CNGB3: variants seen among roughly 807,000 people sequenced by gnomAD.
CNGB3 encodes the protein cyclic nucleotide gated channel subunit beta 3, also known as cyclic nucleotide-gated channel beta-3.
A neutral mutation model predicts 92.8 loss-of-function variants in CNGB3; 86 were observed. The observed-to-expected ratio is 0.93, with a 90% CI of 0.78 to 1.11. The LOEUF is 1.11. Among genes scored for constraint, CNGB3 ranks in the 50% least tolerant of loss-of-function variants. The pLI is 0.00. For missense variants in CNGB3, 1,026 were observed against 956.8 expected (o/e 1.07, Z -0.95); for synonymous variants, 333 against 332.7 (o/e 1.00, Z -0.01).
At chr8:86,585,030 A>G (rs1235660195) in intron 15 of CNGB3, among the ~76,000 whole-genome samples, 1 of 152,150 alleles carries the variant, frequency 6.6e-6, no homozygotes, top group African/African-American at 2.4e-5. Context: ...AAACAAGGCC[A>G]TATTTAGTAC....
intron 7 of CNGB3, among the ~76,000 whole-genome samples, chr8:86,649,251 A>G (rs1308619043): frequency 6.6e-6 from 1 of 151,682 alleles, no homozygotes; most frequent in Non-Finnish European, 1.5e-5. Flanking sequence ...TGCCAAAAGC[A>G]ATCTACAGAT....
chr8:86,601,544 G>T (rs1326784227), intron 15 of CNGB3, among the ~76,000 whole-genome samples: 1 of 151,524 alleles, frequency 6.6e-6, no homozygotes, highest in East Asian at 1.9e-4. Context: ...TGAGGAAAAA[G>T]AACTCTTTTA....
chr8:86,621,000 A>G (rs2131576290), intron 13 of CNGB3, among the ~76,000 whole-genome samples: 1 of 152,344 alleles, frequency 6.6e-6, no homozygotes, highest in South Asian at 2.1e-4. Context: ...AATGAATCTA[A>G]GTTATACACA....
At position 86,737,773 on chromosome 8, in the gene CNGB3, C is replaced by A. The variant is rs183218004; in HGVS notation, c.211+1882G>T. Among the ~76,000 whole-genome samples, 24 of 152,216 alleles carry A rather than the reference C, an allele frequency of 1.6e-4. No homozygotes were observed. The East Asian group carries it at 4.6e-3, about 29-fold the overall frequency. Reference sequence around the variant, plus strand: ...CAAGTAGATCCTGGTGTCTGTTGTTCCCATCTTTATATGTGTACTTAATGT... The same window carrying A: ...CAAGTAGATCCTGGTGTCTGTTGTTACCATCTTTATATGTGTACTTAATGT... On this transcript the variant is annotated intron_variant, in intron 2 of 17. Transcript: ENST00000320005.
intron 3 of CNGB3, among the ~76,000 whole-genome samples, chr8:86,677,916 T>C (rs1208219504): frequency 6.6e-6 from 1 of 152,222 alleles, no homozygotes; most frequent in Non-Finnish European, 1.5e-5. Flanking sequence ...TTTGAATTTC[T>C]GTTCATTATT....
chr8:86,730,144 T>C (rs377466722), intron 2 of CNGB3, among the ~76,000 whole-genome samples: 2 of 152,186 alleles, frequency 1.3e-5, no homozygotes, highest in African/African-American at 4.8e-5. Flanking sequence ...GCCTGTGTAA[T>C]ATACTTCCAA....
rs536128078 is a variant in CNGB3, at chr8:86,682,549, G to A, written c.339-11451C>T. 3.3e-5 allele frequency among the ~76,000 whole-genome samples: 5 copies of A among 152,300 alleles called. No homozygotes were observed. The South Asian group carries it at 1.0e-3, about 32-fold the overall frequency. On this transcript the variant is annotated intron_variant, in intron 3 of 17. Coordinates refer to ENST00000320005, the MANE Select transcript of CNGB3 (RefSeq NM_019098.5). ...TGATTTGTCATTGCCTCGATAGCAG[G>A]ATGTGTGGCTGGGGTCTGGAGATGA...
At chr8:86,661,517 A>G in intron 6 of CNGB3, 1 of 662,652 alleles carries the variant, frequency 1.5e-6, no homozygotes, top group Non-Finnish European at 2.9e-6. Context: ...ACACCACATC[A>G]CATTTAAATG....
intron 13 of CNGB3, among the ~76,000 whole-genome samples, chr8:86,614,635 G>C (rs1411636387): frequency 6.6e-6 from 1 of 152,050 alleles, no homozygotes; most frequent in African/African-American, 2.4e-5. Flanking sequence ...TTTTCCAGTA[G>C]AGGGTTTTCC....
In CNGB3 at chr8:86,574,834, A is replaced by G. The variant is rs1821628973; in HGVS notation, c.*970T>C. 6.6e-6 allele frequency: 1 copy of G among 152,198 alleles called. No individual in the cohort carries two copies. The highest frequency in any genetic ancestry group is 2.1e-4 in the South Asian group (1 of 4,828). The allele number at this position is 152,198 out of a possible 1,614,324, so 9.4% of individuals were successfully genotyped here. A position where few individuals can be genotyped will look rare whatever the true frequency, so the allele number is the denominator to read the frequency against. ...CCTAAAGTGCCCTTAATTAACTTGGAGATTTTGTAAACAGCTATACATGTA... is the reference window on the plus strand; with the variant it reads ...CCTAAAGTGCCCTTAATTAACTTGGGGATTTTGTAAACAGCTATACATGTA... On this transcript the variant is annotated 3_prime_UTR_variant, in exon 18 of 18. Coordinates refer to ENST00000320005, the MANE Select transcript of CNGB3 (RefSeq NM_019098.5).
intron 14 of CNGB3, among the ~76,000 whole-genome samples, chr8:86,607,584 A>G (rs541030465): frequency 6.6e-6 from 1 of 152,288 alleles, no homozygotes; most frequent in East Asian, 1.9e-4. Flanking sequence ...TAGAGGTGCA[A>G]ATTCTCAGTT....
chr8:86,654,111 T>C (rs779699458), intron 6 of CNGB3, 49 bp from the exon 7 acceptor site: 63 of 1,235,932 alleles, frequency 5.1e-5, no homozygotes, highest in Non-Finnish European at 7.4e-5. Context: ...TCATCAATTA[T>C]TTTTTTCTCA....
chr8:86,656,912 T>C (rs1405791309), intron 6 of CNGB3, among the ~76,000 whole-genome samples: 2 of 152,148 alleles, frequency 1.3e-5, no homozygotes, highest in East Asian at 3.9e-4. Context: ...CAACCTCCTC[T>C]ATGTATGATA....
chr8:86,663,634 G>A (rs1823687058), intron 6 of CNGB3, among the ~76,000 whole-genome samples: 1 of 152,188 alleles, frequency 6.6e-6, no homozygotes, highest in Non-Finnish European at 1.5e-5. Flanking sequence ...TCTCTTGAAT[G>A]AATGATTCAG....
intron 2 of CNGB3, among the ~76,000 whole-genome samples, chr8:86,727,644 G>C (rs1285257951): frequency 6.6e-6 from 1 of 152,040 alleles, no homozygotes; most frequent in Non-Finnish European, 1.5e-5. Flanking sequence ...AGATTTTAAT[G>C]AAAGCAAATT....
chr8:86,739,371 T>A (rs1389363637), intron 2 of CNGB3, among the ~76,000 whole-genome samples: 1 of 152,214 alleles, frequency 6.6e-6, no homozygotes, highest in Non-Finnish European at 1.5e-5. Context: ...CTACAAGCTC[T>A]ATGTAACCTC....
intron 15 of CNGB3, among the ~76,000 whole-genome samples, chr8:86,595,032 G>A (rs935397838): frequency 1.3e-5 from 2 of 152,108 alleles, no homozygotes; most frequent in African/African-American, 4.8e-5. Context: ...GGTGAGGTAG[G>A]TTCTTAACCT....
chr8:86,635,064 A>G (rs1183972162), intron 10 of CNGB3, among the ~76,000 whole-genome samples: 1 of 151,956 alleles, frequency 6.6e-6, no homozygotes, highest in African/African-American at 2.4e-5. Flanking sequence ...TAAAAATGTT[A>G]CCACTGTATA....
intron 7 of CNGB3, 54 bp from the exon 8 acceptor site, chr8:86,647,941 T>C: frequency 9.7e-7 from 1 of 1,035,266 alleles, no homozygotes; most frequent in Non-Finnish European, 1.5e-6. Flanking sequence ...TTTCTGGGAA[T>C]GGATGGATTT....
Sources: allele counts gnomAD v4.1 joint callset (sites outside exome capture counted in the v4.1 genomes callset), GRCh38; gene constraint gnomAD v4.1.1; transcripts MANE v1.5; gene names NCBI Gene and HGNC (gene_info 2026-07-23, HGNC 2026-07-21).